RFX8: variants seen among roughly 807,000 people sequenced by gnomAD.
RFX8 encodes regulatory factor X8, also known as DNA-binding protein RFX8.
RFX8 carries 46 observed loss-of-function variants against 54.6 expected under a neutral mutation model. The ratio of observed to expected loss-of-function variants is 0.84; its 90% CI spans 0.67 to 1.08. The LOEUF is 1.08. RFX8 is among the 50% of genes least tolerant of loss of function. RFX8 has a pLI of 0.00. For synonymous variants in RFX8, 192 were observed against 209.5 expected, an observed-to-expected ratio of 0.92 and a Z score of 0.72; for missense variants, 536 against 562.3, an observed-to-expected ratio of 0.95 and a Z score of 0.47.
Position 101,418,895 on chromosome 2 carries a change from C to T in RFX8, c.307G>A (p.Asp103Asn). 6.4e-7 allele frequency: 1 copy of T among 1,551,662 alleles called. No individual in the cohort carries two copies. Residue 103 changes from aspartate to asparagine, a missense_variant, in exon 5 of 12, where the codon GAC becomes AAC. Transcript: ENST00000428343. ...TAGCATTTAAAGAGCTGGCACACGT[C>T]AGGCAATGACATCAGCATGACTGTG... is the stretch of plus-strand genomic sequence containing the variant. ...QDTVMLMSLPDVCQLFKCYDV... is the reference protein window; with the variant it reads ...QDTVMLMSLPNVCQLFKCYDV...
chr2:101,401,271 G>A (rs1685428549), intron 11 of RFX8, among the ~76,000 whole-genome samples: 1 of 152,148 alleles, frequency 6.6e-6, no homozygotes, highest in Non-Finnish European at 1.5e-5. Context: ...GTTTTGTTTT[G>A]TTTTGTTTTG....
intron 11 of RFX8, 81 bp downstream of exon 11, chr2:101,402,355 G>C: frequency 8.5e-7 from 1 of 1,172,158 alleles, no homozygotes; most frequent in Non-Finnish European, 1.2e-6. Flanking sequence ...TGGACAAAGT[G>C]ATCTTGAGGG....
chr2:101,428,921 G>A (rs1381792864), intron 2 of RFX8: 3 of 1,301,980 alleles, frequency 2.3e-6, no homozygotes. Context: ...CTAGGTCTGG[G>A]TCTGTTATAG....
intron 1 of RFX8, chr2:101,474,266 C>G (rs1430901688): frequency 1.6e-6 from 1 of 608,060 alleles, no homozygotes; most frequent in Non-Finnish European, 2.9e-6. Context: ...GCCGGCACCC[C>G]CTCGGCCATG....
chr2:101,458,079 C>T (rs1689080647), intron 2 of RFX8, among the ~76,000 whole-genome samples: 2 of 152,096 alleles, frequency 1.3e-5, no homozygotes, highest in Admixed American at 1.3e-4. Flanking sequence ...CTTCCTCCAT[C>T]CCCTTATTTT....
At chr2:101,412,541 G>T (rs1188979013) in intron 8 of RFX8, among the ~76,000 whole-genome samples, 1 of 152,210 alleles carries the variant, frequency 6.6e-6, no homozygotes, top group Non-Finnish European at 1.5e-5. Context: ...AGTTTAGCAT[G>T]ATTGAGGAGA....
At chr2:101,474,381 G>T (rs908316161) in intron 1 of RFX8, 6 of 392,154 alleles carry the variant, frequency 1.5e-5, no homozygotes, top group African/African-American at 1.3e-4. Context: ...GTTTACTTTA[G>T]AAAGGAGCGC....
chr2:101,444,652 C>T (rs935000524), intron 2 of RFX8, among the ~76,000 whole-genome samples: 1 of 152,048 alleles, frequency 6.6e-6, no homozygotes, highest in Non-Finnish European at 1.5e-5. Context: ...AATTGAAAAC[C>T]TCAGCAAAGT....
intron 1 of RFX8, among the ~76,000 whole-genome samples, chr2:101,472,547 T>C (rs924955472): frequency 6.6e-6 from 1 of 152,108 alleles, no homozygotes; most frequent in Non-Finnish European, 1.5e-5. Flanking sequence ...GAACTTGTAA[T>C]ATGGGACTTG....
chr2:101,442,934 A>C (rs901602661), intron 2 of RFX8, among the ~76,000 whole-genome samples: 3 of 152,086 alleles, frequency 2.0e-5, no homozygotes, highest in African/African-American at 7.2e-5. Context: ...GGCTTGTTGA[A>C]GCTGGGTCTC....
At chr2:101,457,836 G>T (rs1471508825) in intron 2 of RFX8, among the ~76,000 whole-genome samples, 1 of 152,130 alleles carries the variant, frequency 6.6e-6, no homozygotes, top group Admixed American at 6.5e-5. Flanking sequence ...ATTAGTGTGT[G>T]GGAGTCTAAG....
At chr2:101,419,021 C>G (rs1686702741) in intron 4 of RFX8, 57 bp from the exon 5 acceptor site, 1 of 830,876 alleles carries the variant, frequency 1.2e-6, no homozygotes, top group African/African-American at 1.7e-5. Flanking sequence ...GCAAGACTAA[C>G]CCCCCGCCAC....
Position 101,436,729 on chromosome 2 carries a change from A to T in RFX8, c.73-14257T>A, listed in dbSNP as rs544745408. On this transcript the variant is annotated intron_variant, in intron 2 of 11. Transcript: ENST00000428343. ...GCATTCGTAAAAGTCGTGTGTGAGAACGCACCCTGAGCACACACAGCTGCA... is the reference window on the plus strand; with the variant it reads ...GCATTCGTAAAAGTCGTGTGTGAGATCGCACCCTGAGCACACACAGCTGCA... 2.0e-5 allele frequency among the ~76,000 whole-genome samples: 3 copies of T among 152,300 alleles called. No individual in the cohort carries two copies. In the South Asian group the frequency reaches 6.2e-4, roughly 32 times the overall value.
chr2:101,405,517 A>G (rs1430539438), intron 10 of RFX8, among the ~76,000 whole-genome samples: 1 of 152,194 alleles, frequency 6.6e-6, no homozygotes, highest in Non-Finnish European at 1.5e-5. Context: ...TGATTTGACC[A>G]GGAAGTTTGC....
intron 2 of RFX8, among the ~76,000 whole-genome samples, chr2:101,444,335 C>A (rs1362095260): frequency 6.6e-6 from 1 of 152,186 alleles, no homozygotes; most frequent in Non-Finnish European, 1.5e-5. Flanking sequence ...TGGCATTGGA[C>A]CCACAGCCCA....
intron 9 of RFX8, among the ~76,000 whole-genome samples, chr2:101,410,347 G>A (rs1348602406): frequency 1.3e-5 from 2 of 149,258 alleles, no homozygotes; most frequent in South Asian, 2.1e-4. Flanking sequence ...TCACAGGCTC[G>A]CCCCTCCACA....
chr2:101,462,152 G>A (rs551791284), intron 2 of RFX8, among the ~76,000 whole-genome samples: 94 of 152,222 alleles, frequency 6.2e-4, no homozygotes, highest in African/African-American at 1.8e-3. Flanking sequence ...TAGGCTGGGC[G>A]CGGTGGCTCA....
chr2:101,417,281 T>C (rs750166920), intron 6 of RFX8, among the ~76,000 whole-genome samples: 21 of 152,234 alleles, frequency 1.4e-4, no homozygotes, highest in Middle Eastern at 3.2e-3. Context: ...CATGGCTCAC[T>C]GTAGCCTTGA....
chr2:101,424,736 A>G (rs975276919), intron 2 of RFX8, among the ~76,000 whole-genome samples: 1 of 152,190 alleles, frequency 6.6e-6, no homozygotes, highest in African/African-American at 2.4e-5. Flanking sequence ...TGAAGCTGGG[A>G]ACCATCATTC....
Sources: allele counts gnomAD v4.1 joint callset (sites outside exome capture counted in the v4.1 genomes callset), GRCh38; gene constraint gnomAD v4.1.1; transcripts MANE v1.5; gene names NCBI Gene and HGNC (gene_info 2026-07-23, HGNC 2026-07-21).